The following TRHDE variants were observed in gnomAD, a reference collection of about 807,000 sequenced individuals.
TRHDE encodes thyrotropin releasing hormone degrading enzyme.
TRHDE carries 72 observed loss-of-function variants against 125.7 expected under a neutral mutation model. The ratio of observed to expected loss-of-function variants is 0.57; its 90% CI spans 0.47 to 0.70. TRHDE has a LOEUF of 0.70. TRHDE is among the 30% of genes least tolerant of loss of function. The pLI, the probability that TRHDE is intolerant of heterozygous loss-of-function variation, is 0.00. For synonymous variants in TRHDE, 509 were observed against 509.1 expected, an observed-to-expected ratio of 1.00 and a Z score of 0.00; for missense variants, 1,110 against 1,327.1, an observed-to-expected ratio of 0.84 and a Z score of 2.54.
intron 2 of TRHDE, among the ~76,000 whole-genome samples, chr12:72,198,963 CAGAG>C (rs766471831): frequency 1.3e-5 from 2 of 150,320 alleles, no homozygotes; most frequent in African/African-American, 4.9e-5. Context: ...GAGAGAGAAA[CAGAG>C]AGAGAATGAG....
intron 15 of TRHDE, among the ~76,000 whole-genome samples, chr12:72,638,294 A>ATC (rs1181418878): frequency 6.6e-6 from 1 of 151,262 alleles, no homozygotes; most frequent in Non-Finnish European, 1.5e-5. Context: ...TTGTTGGTTG[A>ATC]AAGTCTGTTT....
intron 7 of TRHDE, among the ~76,000 whole-genome samples, chr12:72,557,745 G>A (rs1040884101): frequency 1.4e-4 from 22 of 152,040 alleles, no homozygotes; most frequent in African/African-American, 4.3e-4. Flanking sequence ...AAATGGTCTC[G>A]TATGTAATCA....
chr12:72,256,345 C>T (rs890139282), intron 2 of TRHDE: 2 of 152,116 alleles, frequency 1.3e-5, no homozygotes, highest in Admixed American at 6.6e-5. Context: ...TGTATCAATT[C>T]CTTTGCTTTT....
At chr12:72,417,377 A>G (rs1592429601) in intron 3 of TRHDE, among the ~76,000 whole-genome samples, 2 of 151,972 alleles carry the variant, frequency 1.3e-5, no homozygotes, top group Non-Finnish European at 2.9e-5. Flanking sequence ...GACTCTTTTT[A>G]TTCTTCAAAT....
At chr12:72,215,296 C>T (rs1247022308) in intron 2 of TRHDE, among the ~76,000 whole-genome samples, 1 of 151,962 alleles carries the variant, frequency 6.6e-6, no homozygotes, top group South Asian at 2.1e-4. Flanking sequence ...AAGGCAAGGA[C>T]CGGCCATTTA....
At chr12:72,271,706 C>G, upstream of TRHDE, 1 of 350,732 alleles carries the variant, frequency 2.9e-6, no homozygotes, top group Non-Finnish European at 5.7e-6. Context: ...CAATCTAAAC[C>G]CGAAGCCTGT....
chr12:72,176,570 T>C (rs1005320015), intron 2 of TRHDE, among the ~76,000 whole-genome samples: 3 of 152,226 alleles, frequency 2.0e-5, no homozygotes, highest in Non-Finnish European at 4.4e-5. Context: ...TAGTTAAAAC[T>C]AATTGAGTGC....
At chr12:72,334,129 A>T (rs978850077) in intron 2 of TRHDE, among the ~76,000 whole-genome samples, 2 of 152,220 alleles carry the variant, frequency 1.3e-5, no homozygotes, top group Non-Finnish European at 2.9e-5. Context: ...ATGGCATAAA[A>T]TAATCACATT....
chr12:72,091,042 A>G (rs1035465795), intron 1 of TRHDE, among the ~76,000 whole-genome samples: 2 of 151,740 alleles, frequency 1.3e-5, no homozygotes, highest in Non-Finnish European at 2.9e-5. Context: ...GTTAATTTTT[A>G]TTTTATTTTT....
intron 1 of TRHDE, among the ~76,000 whole-genome samples, chr12:72,280,775 T>C (rs955713844): frequency 3.9e-5 from 6 of 152,140 alleles, no homozygotes; most frequent in African/African-American, 1.2e-4. Context: ...AGGGTACCAG[T>C]ACAGCAAGAA....
At chr12:72,366,530 A>G (rs996864018) in intron 2 of TRHDE, among the ~76,000 whole-genome samples, 4 of 152,086 alleles carry the variant, frequency 2.6e-5, no homozygotes, top group Admixed American at 1.3e-4. Flanking sequence ...AGTCAGAAAC[A>G]TATTGTCAGT....
At chr12:72,283,260 A>C (rs1879760924) in intron 1 of TRHDE, among the ~76,000 whole-genome samples, 1 of 152,188 alleles carries the variant, frequency 6.6e-6, no homozygotes, top group African/African-American at 2.4e-5. Flanking sequence ...GTGTAATTTA[A>C]CATCTTTAAA....
In TRHDE at chr12:72,312,223, G is replaced by GGAAT. The variant is rs566624318; in HGVS notation, c.1188+25269_1188+25270insGAAT. Among the ~76,000 whole-genome samples, 34 of 152,242 alleles carry GGAAT rather than the reference G, an allele frequency of 2.2e-4. No individual in the cohort carries two copies. In the South Asian group the frequency reaches 6.2e-3, roughly 28 times the overall value. ...CACCTTGCTGATTTCCTGTATTGCTGCCCATTATGCAGCATGATGACTTTT... is the reference window on the plus strand; with the variant it reads ...CACCTTGCTGATTTCCTGTATTGCTGGAATCCCATTATGCAGCATGATGACTTTT... On this transcript the variant is annotated intron_variant, in intron 2 of 18. Coordinates refer to ENST00000261180, the MANE Select transcript of TRHDE (RefSeq NM_013381.3).
chr12:72,165,148 A>G (rs1316114641), intron 2 of TRHDE, among the ~76,000 whole-genome samples: 1 of 152,172 alleles, frequency 6.6e-6, no homozygotes, highest in Non-Finnish European at 1.5e-5. Flanking sequence ...CAGCACGTGG[A>G]TGAGCCTCTT....
chr12:72,546,725 G>A (rs1212466288), intron 7 of TRHDE, among the ~76,000 whole-genome samples: 1 of 151,590 alleles, frequency 6.6e-6, no homozygotes, highest in African/African-American at 2.4e-5. Flanking sequence ...ACTGTTGGCA[G>A]GGTTATGGAA....
Position 72,443,015 on chromosome 12 carries a change from T to C in TRHDE, c.1316-26743T>C, listed in dbSNP as rs141226743. 2.0e-5 allele frequency among the ~76,000 whole-genome samples: 3 copies of C among 151,930 alleles called. No homozygotes were observed. The Admixed American group carries it at 2.0e-4, about 10-fold the overall frequency. On this transcript the variant is annotated intron_variant, in intron 3 of 18. Transcript: ENST00000261180. ...CCATGCTATTCTCTTGCACTCTTCA[T>C]TGGTTTCCCCTTGCTCCTAGAATAA... is the stretch of plus-strand genomic sequence containing the variant.
At position 72,287,168 on chromosome 12, in the gene TRHDE, A is replaced by C. The variant is rs1012009418; in HGVS notation, c.1188+214A>C. 4.6e-5 allele frequency among the ~76,000 whole-genome samples: 7 copies of C among 151,764 alleles called. 1 individual carries two copies. The highest frequency in any genetic ancestry group is 1.0e-4 in the Non-Finnish European group (7 of 67,928). On this transcript the variant is annotated intron_variant, in intron 2 of 18. Coordinates refer to ENST00000261180, the MANE Select transcript of TRHDE (RefSeq NM_013381.3). ...TATACCCAGCACTCTTATTCCCTTAACCACCTCCACCTCCCTCCCCCATCA... is the reference window on the plus strand; with the variant it reads ...TATACCCAGCACTCTTATTCCCTTACCCACCTCCACCTCCCTCCCCCATCA...
In TRHDE at chr12:72,667,046, A is replaced by T. The variant is rs1372990479; in HGVS notation, c.*3851A>T. 2.0e-5 allele frequency: 3 copies of T among 152,020 alleles called. No individual in the cohort carries two copies. Among genetic ancestry groups the T allele is most frequent in the Admixed American group, 2.0e-4 (3 of 15,222 alleles). The allele number at this position is 152,020 out of a possible 1,614,324, so 9.4% of individuals were successfully genotyped here. On this transcript the variant is annotated 3_prime_UTR_variant, in exon 19 of 19. Transcript: ENST00000261180. The stretch of plus-strand genomic sequence containing the variant: ...TCAATCAGTAAAAATAATATTCAGT[A>T]AAATGTCTATAAATCTATGCAGATT...
chr12:72,599,780 A>G (rs1409831289), intron 12 of TRHDE, among the ~76,000 whole-genome samples: 1 of 152,066 alleles, frequency 6.6e-6, no homozygotes, highest in Non-Finnish European at 1.5e-5. Context: ...TTAGTCATAA[A>G]TTCTTACCCA....
Sources: allele counts gnomAD v4.1 joint callset (sites outside exome capture counted in the v4.1 genomes callset), GRCh38; gene constraint gnomAD v4.1.1; transcripts MANE v1.5; gene names NCBI Gene and HGNC (gene_info 2026-07-23, HGNC 2026-07-21).